BCAS3: variants seen among roughly 807,000 people sequenced by gnomAD.
BCAS3 encodes the protein BCAS3 microtubule associated cell migration factor, also known as BCAS4/BCAS3 fusion.
BCAS3 carries 53 observed loss-of-function variants against 116.1 expected under a neutral mutation model. The ratio of observed to expected loss-of-function variants is 0.46; its 90% CI spans 0.37 to 0.57. The LOEUF (loss-of-function observed/expected upper bound fraction) is 0.57, where lower values mean the gene tolerates loss of function less well. Ranked by LOEUF, BCAS3 falls within the 20% of genes least tolerant of loss-of-function variation. BCAS3 has a pLI of 0.00. For missense variants in BCAS3, 917 were observed against 1,165.4 expected, an observed-to-expected ratio of 0.79 and a Z score of 3.10; for synonymous variants, 391 against 408.2, an observed-to-expected ratio of 0.96 and a Z score of 0.51.
intron 22 of BCAS3, among the ~76,000 whole-genome samples, chr17:61,359,501 T>C (rs2058335794): frequency 1.5e-4 from 1 of 6,880 alleles, no homozygotes; most frequent in Non-Finnish European, 2.6e-3. Context: ...CAAGGTTTTG[T>C]TTTTTTTTTT....
chr17:60,783,353 C>T (rs976916499), intron 6 of BCAS3, among the ~76,000 whole-genome samples: 4 of 152,116 alleles, frequency 2.6e-5, no homozygotes, highest in African/African-American at 7.2e-5. Context: ...TACAGGTGCA[C>T]ACCACCACAT....
chr17:61,042,836 G>T (rs1156865511), intron 19 of BCAS3, among the ~76,000 whole-genome samples: 1 of 137,386 alleles, frequency 7.3e-6, no homozygotes, highest in Non-Finnish European at 1.5e-5. Context: ...GTTGCAGTGA[G>T]CCAAGATCAC....
At position 61,171,239 on chromosome 17, in the gene BCAS3, A is replaced by G. The variant is rs548896903; in HGVS notation, c.2425+86675A>G. ...AATGTGTAGACTTGGATAAGTTACA[A>G]ATATATGCTATACATTCTAAAGCAG... is the stretch of plus-strand genomic sequence containing the variant. On this transcript the variant is annotated intron_variant, in intron 22 of 23. Transcript: ENST00000407086. This position sits in a 1 kb window ranked among gnomAD's most constrained non-coding sequence, Gnocchi z 4.1. Among the ~76,000 whole-genome samples, 2 of 152,312 alleles carry G rather than the reference A, an allele frequency of 1.3e-5. No individual in the cohort carries two copies. The highest frequency in any genetic ancestry group is 3.9e-4 in the East Asian group (2 of 5,192).
chr17:60,704,234 A>G (rs1283350748), intron 4 of BCAS3, among the ~76,000 whole-genome samples: 3 of 152,162 alleles, frequency 2.0e-5, no homozygotes, highest in Admixed American at 2.0e-4. Flanking sequence ...GAAGTGCCCT[A>G]TTCTGGGAAA....
At chr17:61,115,407 A>G (rs887101124) in intron 22 of BCAS3, among the ~76,000 whole-genome samples, 1 of 150,204 alleles carries the variant, frequency 6.7e-6, no homozygotes, top group African/African-American at 2.4e-5. Flanking sequence ...AAAAACAAAC[A>G]ACCCCATCAA....
At chr17:60,775,519 T>C (rs1294159577) in intron 6 of BCAS3, among the ~76,000 whole-genome samples, 1 of 152,160 alleles carries the variant, frequency 6.6e-6, no homozygotes, top group Non-Finnish European at 1.5e-5. Flanking sequence ...TCTCTTGTTG[T>C]TGTTACTGTA....
chr17:60,967,673 G>A lies in BCAS3; in HGVS notation c.1221+20321G>A, dbSNP rs988364340. ...TGAATACCAATAATTCTTAGATTTG[G>A]TCTTTTGAGGTAATTGTCTGCATCC... On this transcript the variant is annotated intron_variant, in intron 14 of 23. Coordinates refer to ENST00000407086, the MANE Select transcript of BCAS3 (RefSeq NM_017679.5). The surrounding 1 kb of genome is among the most constrained non-coding windows in gnomAD (Gnocchi z 4.7). Among the ~76,000 whole-genome samples the A allele has an allele frequency of 6.6e-6, 1 of 151,780 alleles. No homozygotes were observed. The highest frequency in any genetic ancestry group is 1.5e-5 in the Non-Finnish European group (1 of 67,944).
Position 61,347,084 on chromosome 17 carries a change from T to A in BCAS3, c.2426-21243T>A, listed in dbSNP as rs931495124. 6.6e-6 allele frequency among the ~76,000 whole-genome samples: 1 copy of A among 151,724 alleles called. No individual in the cohort carries two copies. The highest frequency in any genetic ancestry group is 1.5e-5 in the Non-Finnish European group (1 of 67,844). ...AATATTGGATTTTTGTTTTAACAAA[T>A]TTTTTTTTAAGGCAGAGTCTTGCTC... On this transcript the variant is annotated intron_variant, in intron 22 of 23. Coordinates refer to ENST00000407086, the MANE Select transcript of BCAS3 (RefSeq NM_017679.5). This position sits in a 1 kb window ranked among gnomAD's most constrained non-coding sequence, Gnocchi z 4.3.
chr17:60,953,108 G>A (rs2060931721), intron 14 of BCAS3, among the ~76,000 whole-genome samples: 1 of 151,918 alleles, frequency 6.6e-6, no homozygotes, highest in African/African-American at 2.4e-5. Flanking sequence ...TAGAATGTTT[G>A]ATATCCTGTT....
At chr17:61,294,564 G>A (rs2052719241) in intron 22 of BCAS3, among the ~76,000 whole-genome samples, 1 of 152,180 alleles carries the variant, frequency 6.6e-6, no homozygotes, top group South Asian at 2.1e-4. Context: ...CACTTCTTCA[G>A]GTGTTGGTGG....
Position 61,344,202 on chromosome 17 carries a change from TAGG to T in BCAS3, c.2426-24122_2426-24120del, listed in dbSNP as rs1568902274. The stretch of plus-strand genomic sequence containing the variant: ...GCGGAATATGCAAACCCTCTTTGCT[TAGG>T]AGAACCTGAGTTCACCTGCCAAAAT... On this transcript the variant is annotated intron_variant, in intron 22 of 23. Coordinates refer to ENST00000407086, the MANE Select transcript of BCAS3 (RefSeq NM_017679.5). The surrounding 1 kb of genome is among the most constrained non-coding windows in gnomAD (Gnocchi z 4.1). 6.6e-6 allele frequency among the ~76,000 whole-genome samples: 1 copy of T among 152,072 alleles called. No individual in the cohort carries two copies. The highest frequency in any genetic ancestry group is 1.5e-5 in the Non-Finnish European group (1 of 68,016).
chr17:60,984,664 A>AT (rs1156385457), intron 14 of BCAS3, among the ~76,000 whole-genome samples: 1 of 152,086 alleles, frequency 6.6e-6, no homozygotes, highest in African/African-American at 2.4e-5. Flanking sequence ...ATTTAAAAAA[A>AT]TTTTTTGTGG....
rs1320914631 is a variant in BCAS3 at position 61,082,809 on chromosome 17, ATTGGGTAG to A, written c.2328-1656_2328-1649del. Among the ~76,000 whole-genome samples, 7 of 152,164 alleles carry A rather than the reference ATTGGGTAG, an allele frequency of 4.6e-5. No individual in the cohort carries two copies. Among genetic ancestry groups the A allele is most frequent in the Non-Finnish European group, 1.0e-4 (7 of 68,020 alleles). On this transcript the variant is annotated intron_variant, in intron 21 of 23. Coordinates refer to ENST00000407086, the MANE Select transcript of BCAS3 (RefSeq NM_017679.5). The surrounding 1 kb of genome is among the most constrained non-coding windows in gnomAD (Gnocchi z 5.1). ...AAAAATTAGCTGGGGTGGAATGAAT[ATTGGGTAG>A]TCCTACATAGCAGTGATCAATATTT... is the stretch of plus-strand genomic sequence containing the variant.
At chr17:60,785,108 G>A (rs74724438) in intron 6 of BCAS3, among the ~76,000 whole-genome samples, 2 of 152,064 alleles carry the variant, frequency 1.3e-5, no homozygotes, top group Non-Finnish European at 2.9e-5. Context: ...CAAAAAAAAA[G>A]TATCTAGCAA....
At chr17:60,985,661 C>T (rs2063097667) in intron 14 of BCAS3, among the ~76,000 whole-genome samples, 1 of 152,080 alleles carries the variant, frequency 6.6e-6, no homozygotes, top group African/African-American at 2.4e-5. Context: ...CTACTCCCCC[C>T]TCCTCCCTCC....
At chr17:61,110,888 G>T (rs1344101428) in intron 22 of BCAS3, among the ~76,000 whole-genome samples, 1 of 152,208 alleles carries the variant, frequency 6.6e-6, no homozygotes, top group Non-Finnish European at 1.5e-5. Context: ...GCACGCAGCT[G>T]GAGATCTGAA....
chr17:60,712,070 C>T (rs1458069529), intron 5 of BCAS3, among the ~76,000 whole-genome samples: 1 of 152,114 alleles, frequency 6.6e-6, no homozygotes, highest in East Asian at 1.9e-4. Context: ...GAGGCTGAGG[C>T]AGGAGAATCG....
At chr17:61,025,259 C>G (rs761025174) in intron 16 of BCAS3, among the ~76,000 whole-genome samples, 4 of 151,944 alleles carry the variant, frequency 2.6e-5, no homozygotes, top group Admixed American at 6.6e-5. Flanking sequence ...GTCATGAAAT[C>G]ATATAAGGAG....
At chr17:60,691,688 C>T (rs776473853) in intron 4 of BCAS3, among the ~76,000 whole-genome samples, 46 of 147,358 alleles carry the variant, frequency 3.1e-4, no homozygotes, top group Non-Finnish European at 4.5e-4. Context: ...TGTGAGTTGC[C>T]TTTTCCTTAA....
Sources: gnomAD v4.1 joint callset for allele counts (sites outside exome capture counted in the v4.1 genomes callset) on GRCh38, gnomAD v4.1.1 for gene constraint, Gnocchi (gnomAD v3.1) non-coding constraint, MANE v1.5 for transcripts, NCBI Gene and HGNC (gene_info 2026-07-23, HGNC 2026-07-21) for gene names.